CDV3: variants seen among roughly 807,000 people sequenced by gnomAD.
The protein encoded by CDV3 is CDV3 homolog, also known as protein CDV3 homolog.
In CDV3, 14 loss-of-function variants were observed where a neutral mutation model predicts 24.5. That is an observed-to-expected ratio of 0.57 (90% CI 0.38 to 0.89). The LOEUF (loss-of-function observed/expected upper bound fraction) is 0.89, where lower values mean the gene tolerates loss of function less well. CDV3 is among the 40% of genes least tolerant of loss of function. CDV3 has a pLI of 0.00. For missense variants in CDV3, 304 were observed against 310.2 expected, an observed-to-expected ratio of 0.98 and a Z score of 0.15; for synonymous variants, 114 against 114.1, an observed-to-expected ratio of 1.00 and a Z score of 0.00.
At chr3:133,576,840 G>GTTTTTTTTTTTTTTT (rs1378596698) in intron 2 of CDV3, among the ~76,000 whole-genome samples, 5 of 26,052 alleles carry the variant, frequency 1.9e-4, no homozygotes, top group Non-Finnish European at 3.0e-4. Context: ...AGGTAGACTA[G>GTTTTTTTTTTTTTTT]CTTTTTTTTT....
chr3:133,578,552 A>G (rs2074902760), intron 2 of CDV3, among the ~76,000 whole-genome samples: 2 of 152,238 alleles, frequency 1.3e-5, no homozygotes, highest in Non-Finnish European at 2.9e-5. Context: ...AGACAACAGT[A>G]GATAATTTCA....
chr3:133,586,737 T>C lies in CDV3; in HGVS notation c.626+15T>C. ...GAAAGCCGGAAGTAAGTACTATAAT[T>C]AATTGCATTTTGTTTGGGACTTCTG... On this transcript the variant is annotated intron_variant, in intron 4 of 4. Coordinates refer to ENST00000264993, the MANE Select transcript of CDV3 (RefSeq NM_017548.5). The C allele has an allele frequency of 4.6e-6, 7 of 1,536,300 alleles. No individual in the cohort carries two copies. The highest frequency in any genetic ancestry group is 6.3e-6 in the Non-Finnish European group (7 of 1,109,274).
At chr3:133,574,337 A>G (rs1311925950) in intron 1 of CDV3, 53 bp downstream of exon 1, 1 of 910,396 alleles carries the variant, frequency 1.1e-6, no homozygotes, top group Non-Finnish European at 1.3e-6. Flanking sequence ...CCGGCGCCCC[A>G]TGTGCCCGCC....
chr3:133,574,210 A>T lies in CDV3; in HGVS notation c.166A>T (p.Thr56Ser). ...GAAGGGAGAG[T>S]RPGDGGTASA... ...GGCGGGCGGCGGGGCGGGCGCGGGGACCCGGCCGGGTGACGGCGGGACCGC... is the reference window on the plus strand; with the variant it reads ...GGCGGGCGGCGGGGCGGGCGCGGGGTCCCGGCCGGGTGACGGCGGGACCGC... The change falls in exon 1 of 5, where the codon ACC becomes TCC. Residue 56 changes from threonine (T) to serine (S), a missense_variant. Thr to Ser is a moderately conservative substitution (Grantham distance 58). Transcript: ENST00000264993. 3.0e-6 allele frequency: 3 copies of T among 1,009,962 alleles called. No homozygotes were observed. The highest frequency in any genetic ancestry group is 3.5e-6 in the Non-Finnish European group (3 of 849,856). 62.6% of individuals were successfully genotyped at this position (1,009,962 alleles called of 1,614,324 possible).
intron 4 of CDV3, 55 bp from the exon 5 acceptor site, chr3:133,587,841 T>G: frequency 6.5e-7 from 1 of 1,531,826 alleles, no homozygotes; most frequent in Non-Finnish European, 8.7e-7. Context: ...GACGAATATT[T>G]TCAAAAACCC....
chr3:133,577,668 C>T (rs750151811), intron 2 of CDV3, among the ~76,000 whole-genome samples: 131 of 152,302 alleles, frequency 8.6e-4, no homozygotes, highest in Non-Finnish European at 1.4e-3. Context: ...CCAGATGTCA[C>T]ATACAATCTT....
chr3:133,579,448 T>A (rs2074934407), intron 2 of CDV3, among the ~76,000 whole-genome samples: 1 of 152,208 alleles, frequency 6.6e-6, no homozygotes, highest in Non-Finnish European at 1.5e-5. Flanking sequence ...TTTGGAGAGT[T>A]GATACTTTCT....
chr3:133,574,373 A>AGGGGCCGCGGAGGCCGGGC (rs1412502462), intron 1 of CDV3, 89 bp downstream of exon 1: 99 of 924,468 alleles, frequency 1.1e-4, no homozygotes, highest in Non-Finnish European at 1.3e-4. Context: ...AGCGTCCGGG[A>AGGGGCCGCGGAGGCCGGGC]GGGGCCGCGG....
Position 133,588,724 on chromosome 3 carries a change from A to G in CDV3, c.*678A>G, listed in dbSNP as rs575476762. The stretch of plus-strand genomic sequence containing the variant: ...ATTTAAACTAATTGTATTCTGAGGT[A>G]ACCACAAAATAAATTCAACCAAACT... On this transcript the variant is annotated 3_prime_UTR_variant, in exon 5 of 5. Transcript: ENST00000264993. The G allele has an allele frequency of 1.0e-3, 232 of 227,242 alleles. 1 individual carries two copies. Among genetic ancestry groups the G allele is most frequent in the Non-Finnish European group, 1.5e-3 (176 of 118,168 alleles). 14.1% of individuals were successfully genotyped at this position (227,242 alleles called of 1,614,324 possible). A position where few individuals can be genotyped will look rare whatever the true frequency, so the allele number is the denominator to read the frequency against.
intron 2 of CDV3, among the ~76,000 whole-genome samples, chr3:133,583,136 G>A (rs1472904789): frequency 6.6e-6 from 1 of 152,134 alleles, no homozygotes; most frequent in African/African-American, 2.4e-5. Context: ...TATAACATCT[G>A]GAAAGCCAAA....
At chr3:133,587,815 T>C in intron 4 of CDV3, 81 bp from the exon 5 acceptor site, 1 of 1,515,146 alleles carries the variant, frequency 6.6e-7, no homozygotes, top group Non-Finnish European at 8.8e-7. Flanking sequence ...AGGGGTGGCT[T>C]TTTTTTAAAT....
intron 4 of CDV3, 140 bp from the exon 5 acceptor site, chr3:133,587,756 A>G (rs1933764670): frequency 7.0e-7 from 1 of 1,428,658 alleles, no homozygotes; most frequent in Non-Finnish European, 9.2e-7. Context: ...ATGGTTTGAT[A>G]AGGATTTTCT....
Position 133,574,084 on chromosome 3 carries a change from G to A in CDV3, c.40G>A (p.Ala14Thr), listed in dbSNP as rs1268587167. ...GGAGCGGAGCCTGGACAACTTCTTT[G>A]CCAAGAGGGACAAGAAGAAGAAGAA... is the stretch of plus-strand genomic sequence containing the variant. ...TEERSLDNFFAKRDKKKKKER... is the reference protein window; with the variant it reads ...TEERSLDNFFTKRDKKKKKER... The change falls in exon 1 of 5, where the codon GCC becomes ACC. Residue 14 changes from alanine to threonine, a missense_variant. Ala to Thr is a moderately conservative substitution (Grantham distance 58). Transcript: ENST00000264993. 2 of 1,241,004 alleles carry A rather than the reference G, an allele frequency of 1.6e-6. No homozygotes were observed. The highest frequency in any genetic ancestry group is 2.1e-6 in the Non-Finnish European group (2 of 966,926). The allele number at this position is 1,241,004 out of a possible 1,614,324, so 76.9% of individuals were successfully genotyped here. A position where few individuals can be genotyped will look rare whatever the true frequency, so the allele number is the denominator to read the frequency against.
At chr3:133,574,467 A>T in intron 1 of CDV3, 183 bp downstream of exon 1, 4 of 986,392 alleles carry the variant, frequency 4.1e-6, no homozygotes, top group South Asian at 9.4e-5. Context: ...ACCCCTTCCG[A>T]TATCCGCGGT....
rs376601686 is a variant in CDV3, at chr3:133,588,091, A to G, written c.*45A>G. On this transcript the variant is annotated 3_prime_UTR_variant, in exon 5 of 5. Coordinates refer to ENST00000264993, the MANE Select transcript of CDV3 (RefSeq NM_017548.5). ...CTTCTGAGGTAACTAGACTGCAGCTAACCACCACCAACAGCCATTCATCAT... is the reference window on the plus strand; with the variant it reads ...CTTCTGAGGTAACTAGACTGCAGCTGACCACCACCAACAGCCATTCATCAT... 3.8e-6 allele frequency: 6 copies of G among 1,592,846 alleles called. No individual in the cohort carries two copies. The African/African-American group carries it at 6.8e-5, about 18-fold the overall frequency.
At chr3:133,587,643 T>A in intron 4 of CDV3, 1 of 1,182,190 alleles carries the variant, frequency 8.5e-7, no homozygotes, top group Non-Finnish European at 1.0e-6. Context: ...TTTCTTCAAG[T>A]TTGTCCTGAA....
At chr3:133,577,354 G>A (rs2074854393) in intron 2 of CDV3, among the ~76,000 whole-genome samples, 2 of 136,606 alleles carry the variant, frequency 1.5e-5, no homozygotes, top group African/African-American at 6.5e-5. Context: ...GTCACATTCA[G>A]TCTTTTTTTC....
chr3:133,575,824 C>T (rs1386665976), intron 2 of CDV3, among the ~76,000 whole-genome samples: 1 of 152,128 alleles, frequency 6.6e-6, no homozygotes, highest in Non-Finnish European at 1.5e-5. Flanking sequence ...CTATGGCAGT[C>T]AACTTTAAGG....
chr3:133,584,752 A>G (rs1276008270), intron 3 of CDV3, among the ~76,000 whole-genome samples: 1 of 152,092 alleles, frequency 6.6e-6, no homozygotes, highest in Non-Finnish European at 1.5e-5. Flanking sequence ...TATCATTCTC[A>G]AGGTGGTAAA....
Sources: allele counts gnomAD v4.1 joint callset (sites outside exome capture counted in the v4.1 genomes callset), GRCh38; gene constraint gnomAD v4.1.1; transcripts MANE v1.5; gene names NCBI Gene and HGNC (gene_info 2026-07-23, HGNC 2026-07-21).